BCL11A: variants seen among roughly 807,000 people sequenced by gnomAD.
The protein encoded by BCL11A is B cell CLL/lymphoma 11A.
In BCL11A, 2 loss-of-function variants were observed where a neutral mutation model predicts 55.9. The observed-to-expected ratio is 0.04, with a 90% CI of 0.01 to 0.11. The LOEUF (loss-of-function observed/expected upper bound fraction) is 0.11, where lower values mean the gene tolerates loss of function less well. Among genes scored for constraint, BCL11A ranks in the 10% least tolerant of loss-of-function variants. BCL11A has a pLI of 1.00. For missense variants in BCL11A, 817 were observed against 1,137.1 expected, an observed-to-expected ratio of 0.72 and a Z score of 4.05; for synonymous variants, 465 against 473.4, an observed-to-expected ratio of 0.98 and a Z score of 0.23.
intron 2 of BCL11A, among the ~76,000 whole-genome samples, chr2:60,529,202 C>T (rs1457210355): frequency 6.6e-6 from 1 of 152,226 alleles, no homozygotes; most frequent in Non-Finnish European, 1.5e-5. Context: ...ACCCCAGGAG[C>T]ACACAGTTCC....
intron 2 of BCL11A, among the ~76,000 whole-genome samples, chr2:60,506,130 C>T (rs142562235): frequency 8.5e-5 from 13 of 152,324 alleles, no homozygotes; most frequent in Admixed American, 4.6e-4. Flanking sequence ...TCCTTTGACA[C>T]CCACCATAGA....
chr2:60,491,279 C>G (rs962250960), intron 2 of BCL11A, among the ~76,000 whole-genome samples: 2 of 152,214 alleles, frequency 1.3e-5, no homozygotes, highest in African/African-American at 4.8e-5. Flanking sequence ...TGCAGCACTA[C>G]TAAAAAGGAC....
intron 2 of BCL11A, among the ~76,000 whole-genome samples, chr2:60,493,750 C>T (rs550752912): frequency 6.6e-6 from 1 of 152,144 alleles, no homozygotes; most frequent in Non-Finnish European, 1.5e-5. Flanking sequence ...AGAAAGACAG[C>T]ATCAAGGTCT....
At chr2:60,467,299 A>G (rs1338073868) in intron 3 of BCL11A, among the ~76,000 whole-genome samples, 367 of 9,926 alleles carry the variant, frequency 0.037, 11 homozygotes, top group Middle Eastern at 0.083. Flanking sequence ...TGGTGGTGGT[A>G]ATGGTGGTGG....
At chr2:60,551,173 G>A (rs1670399576) in intron 1 of BCL11A, among the ~76,000 whole-genome samples, 1 of 152,198 alleles carries the variant, frequency 6.6e-6, no homozygotes, top group Non-Finnish European at 1.5e-5. Context: ...AATTGAGTAG[G>A]GGGGGAATGT....
chr2:60,467,129 ATGGTGGTGT>A (rs1676683534), intron 3 of BCL11A, among the ~76,000 whole-genome samples: 5 of 70,690 alleles, frequency 7.1e-5, no homozygotes, highest in Non-Finnish European at 1.5e-4. Context: ...GGTGGTGGTG[ATGGTGGTGT>A]TGGTGGTGAT....
chr2:60,452,799 C>T, downstream of BCL11A: 2 of 666,730 alleles, frequency 3.0e-6, no homozygotes, highest in Non-Finnish European at 5.1e-6. Context: ...CCACTGGCAT[C>T]TTAAGCATGA....
At chr2:60,548,502 A>C (rs1038775512) in intron 1 of BCL11A, among the ~76,000 whole-genome samples, 3 of 152,212 alleles carry the variant, frequency 2.0e-5, no homozygotes, top group Non-Finnish European at 2.9e-5. Context: ...TACAATCAAA[A>C]CCGGGAAATG....
rs148793152 is a variant in BCL11A, at chr2:60,531,292, C to T, written c.385+14679G>A. ...CCACAGAATCTTTTCGACCCTCTCA[C>T]ACTAACACTAAACCAGAAAATAAAT... On this transcript the variant is annotated intron_variant, in intron 2 of 3. Coordinates refer to ENST00000642384, the MANE Select transcript of BCL11A (RefSeq NM_022893.4). Among the ~76,000 whole-genome samples, 15 of 152,336 alleles carry T rather than the reference C, an allele frequency of 9.8e-5. No homozygotes were observed. The East Asian group carries it at 2.7e-3, about 27-fold the overall frequency.
intron 2 of BCL11A, chr2:60,535,103 C>G (rs1444895485): frequency 6.6e-6 from 1 of 152,108 alleles, no homozygotes; most frequent in Non-Finnish European, 1.5e-5. Context: ...ACTGGAAGGA[C>G]CTAATGGTCA....
intron 2 of BCL11A, among the ~76,000 whole-genome samples, chr2:60,518,310 C>T (rs1668825259): frequency 6.6e-6 from 1 of 152,200 alleles, no homozygotes; most frequent in Non-Finnish European, 1.5e-5. Context: ...AAAGGAGTCA[C>T]AGGATTAGAC....
chr2:60,467,258 G>A (rs1172352071), intron 3 of BCL11A, among the ~76,000 whole-genome samples: 5 of 113,770 alleles, frequency 4.4e-5, no homozygotes, highest in African/African-American at 7.3e-5. Context: ...GGTAATGGTG[G>A]TGGTGGTGAT....
At chr2:60,454,875 T>C (rs1041261747), downstream of BCL11A, among the ~76,000 whole-genome samples, 1 of 152,242 alleles carries the variant, frequency 6.6e-6, no homozygotes, top group Non-Finnish European at 1.5e-5. Flanking sequence ...TTATTGCATA[T>C]ACAAAAATGG....
chr2:60,471,647 G>A (rs1430751536), intron 2 of BCL11A, among the ~76,000 whole-genome samples: 2 of 152,160 alleles, frequency 1.3e-5, no homozygotes, highest in Non-Finnish European at 2.9e-5. Flanking sequence ...CCTGGTTGAG[G>A]GCCTCTTCTT....
At chr2:60,508,665 G>C (rs1679784833) in intron 2 of BCL11A, 1 of 152,246 alleles carries the variant, frequency 6.6e-6, no homozygotes, top group Non-Finnish European at 1.5e-5. Flanking sequence ...GACACGGCAG[G>C]AAACAGCCTC....
chr2:60,543,900 G>A (rs759678075), intron 2 of BCL11A: 1 of 151,976 alleles, frequency 6.6e-6, no homozygotes, highest in Non-Finnish European at 1.5e-5. Context: ...TTTGGTTTTG[G>A]CTTCTCTAGG....
chr2:60,459,047 T>A lies in BCL11A; in HGVS notation c.*1357A>T, dbSNP rs111694591. Reference sequence around the variant, plus strand: ...TTTAAATGCAAGTCTTAAGAATTCATAGTTAATCATCATTGTATCAATATT... The same window carrying A: ...TTTAAATGCAAGTCTTAAGAATTCAAAGTTAATCATCATTGTATCAATATT... On this transcript the variant is annotated 3_prime_UTR_variant, in exon 4 of 4. Transcript: ENST00000642384. 1.1e-5 allele frequency: 11 copies of A among 1,017,230 alleles called. No individual in the cohort carries two copies. The highest frequency in any genetic ancestry group is 4.7e-4 in the Middle Eastern group (1 of 2,142). The allele number at this position is 1,017,230 out of a possible 1,614,324, so 63.0% of individuals were successfully genotyped here. A position where few individuals can be genotyped will look rare whatever the true frequency, so the allele number is the denominator to read the frequency against.
At chr2:60,537,991 C>T (rs1325774912) in intron 2 of BCL11A, 1 of 152,150 alleles carries the variant, frequency 6.6e-6, no homozygotes, top group African/African-American at 2.4e-5. Context: ...CAAACAAAAA[C>T]TCATTGTGAG....
chr2:60,503,588 G>C (rs1679414575), intron 2 of BCL11A, among the ~76,000 whole-genome samples: 1 of 152,194 alleles, frequency 6.6e-6, no homozygotes, highest in African/African-American at 2.4e-5. Context: ...CCCAATACCA[G>C]TGGCTCTTTC....
Sources: gnomAD v4.1 joint callset for allele counts (sites outside exome capture counted in the v4.1 genomes callset) on GRCh38, gnomAD v4.1.1 for gene constraint, MANE v1.5 for transcripts, NCBI Gene and HGNC (gene_info 2026-07-23, HGNC 2026-07-21) for gene names.